CNTNAP2: variants seen among roughly 807,000 people sequenced by gnomAD.
CNTNAP2 encodes the protein contactin-associated protein-like 2.
In CNTNAP2, 98 loss-of-function variants were observed where a neutral mutation model predicts 155.2. The ratio of observed to expected loss-of-function variants is 0.63; its 90% CI spans 0.54 to 0.75. The LOEUF (loss-of-function observed/expected upper bound fraction) is 0.75, where lower values mean the gene tolerates loss of function less well. CNTNAP2 is among the 30% of genes least tolerant of loss of function. The pLI, the probability that CNTNAP2 is intolerant of heterozygous loss-of-function variation, is 0.00. For synonymous variants in CNTNAP2, 651 were observed against 631.2 expected, an observed-to-expected ratio of 1.03 and a Z score of -0.47; for missense variants, 1,727 against 1,688.1, an observed-to-expected ratio of 1.02 and a Z score of -0.40.
chr7:147,724,325 T>G (rs1035213953), intron 13 of CNTNAP2, among the ~76,000 whole-genome samples: 4 of 152,028 alleles, frequency 2.6e-5, no homozygotes, highest in African/African-American at 9.7e-5. Flanking sequence ...GAGGAATTAT[T>G]AGAATCCTGA....
chr7:147,793,889 T>G (rs1032527061), intron 13 of CNTNAP2, among the ~76,000 whole-genome samples: 1 of 152,044 alleles, frequency 6.6e-6, no homozygotes, highest in African/African-American at 2.4e-5. Flanking sequence ...CTTTTTGCTA[T>G]ATTTAGTCCT....
At chr7:146,624,491 A>C (rs545613058) in intron 1 of CNTNAP2, among the ~76,000 whole-genome samples, 2 of 152,090 alleles carry the variant, frequency 1.3e-5, no homozygotes, top group South Asian at 4.1e-4. Context: ...TCAACATTTC[A>C]ACAAAGCAGA....
chr7:146,682,332 C>A (rs1800519530), intron 1 of CNTNAP2, among the ~76,000 whole-genome samples: 1 of 152,066 alleles, frequency 6.6e-6, no homozygotes, highest in Admixed American at 6.6e-5. Context: ...GTTCAGCCAG[C>A]AAAGGTTATA....
At chr7:148,187,119 C>A (rs929985429) in intron 18 of CNTNAP2, among the ~76,000 whole-genome samples, 1 of 149,806 alleles carries the variant, frequency 6.7e-6, no homozygotes, top group African/African-American at 2.5e-5. Context: ...TACACACACA[C>A]ACACACACAC....
chr7:148,230,450 A>G (rs972295077), intron 20 of CNTNAP2, among the ~76,000 whole-genome samples: 5 of 152,188 alleles, frequency 3.3e-5, no homozygotes, highest in Non-Finnish European at 7.3e-5. Flanking sequence ...CCAAGACATC[A>G]AGGATGGGAA....
intron 10 of CNTNAP2, among the ~76,000 whole-genome samples, chr7:147,479,979 A>G (rs1798393286): frequency 6.6e-6 from 1 of 152,270 alleles, no homozygotes; most frequent in South Asian, 2.1e-4. Flanking sequence ...TAAATAGAAG[A>G]CACTCCATAG....
intron 1 of CNTNAP2, among the ~76,000 whole-genome samples, chr7:146,209,218 C>T (rs942641973): frequency 8.5e-5 from 13 of 152,142 alleles, no homozygotes; most frequent in Non-Finnish European, 1.6e-4. Context: ...CTCAAGAAGT[C>T]ACAGTCAGAA....
intron 10 of CNTNAP2, among the ~76,000 whole-genome samples, chr7:147,416,734 A>G (rs537874783): frequency 2.0e-5 from 3 of 152,280 alleles, no homozygotes; most frequent in African/African-American, 7.2e-5. Flanking sequence ...TCTTCTCTGA[A>G]GACCTGTATC....
intron 13 of CNTNAP2, among the ~76,000 whole-genome samples, chr7:147,679,951 A>T (rs1201833291): frequency 6.6e-6 from 1 of 151,806 alleles, no homozygotes; most frequent in Non-Finnish European, 1.5e-5. Context: ...CAAATTGGTC[A>T]ACTCTGAATA....
chr7:146,349,860 C>T lies in CNTNAP2; in HGVS notation c.97+232887C>T, dbSNP rs901754212. Among the ~76,000 whole-genome samples the T allele has an allele frequency of 1.3e-5, 2 of 152,262 alleles. 1 individual carries two copies. On this transcript the variant is annotated intron_variant, in intron 1 of 23. Transcript: ENST00000361727. ...TCCGCTGTTAGTCTGATGGGTTTCC[C>T]TTTGCAGGTAACCCGACCTTTCTCT...
At chr7:146,169,473 T>A (rs1473943738) in intron 1 of CNTNAP2, among the ~76,000 whole-genome samples, 2 of 152,194 alleles carry the variant, frequency 1.3e-5, no homozygotes, top group Non-Finnish European at 2.9e-5. Context: ...ACATTGGTTA[T>A]CTCACGTAGT....
intron 14 of CNTNAP2, among the ~76,000 whole-genome samples, chr7:147,945,920 T>C (rs1482615078): frequency 4.9e-5 from 7 of 143,758 alleles, no homozygotes; most frequent in Non-Finnish European, 6.0e-5. Flanking sequence ...CAGGCTGGAG[T>C]GCGGTGGTGC....
intron 1 of CNTNAP2, among the ~76,000 whole-genome samples, chr7:146,459,545 A>G (rs1429791901): frequency 6.6e-6 from 1 of 152,204 alleles, no homozygotes; most frequent in African/African-American, 2.4e-5. Context: ...CCAAGCCTAT[A>G]AAGTGCATGG....
intron 1 of CNTNAP2, among the ~76,000 whole-genome samples, chr7:146,423,906 TTA>T (rs534356421): frequency 1.0e-3 from 155 of 152,310 alleles, no homozygotes; most frequent in African/African-American, 3.2e-3. Flanking sequence ...ATGTATCACG[TTA>T]CTCAATTTCT....
chr7:147,330,423 C>T (rs757449108), intron 9 of CNTNAP2, among the ~76,000 whole-genome samples: 1 of 152,134 alleles, frequency 6.6e-6, no homozygotes, highest in Non-Finnish European at 1.5e-5. Context: ...CCCTGAGATA[C>T]TCTAGCAAAT....
chr7:148,141,663 C>T (rs536914883), intron 16 of CNTNAP2, among the ~76,000 whole-genome samples: 2 of 152,278 alleles, frequency 1.3e-5, no homozygotes, highest in East Asian at 3.9e-4. Flanking sequence ...AGGCCAGGAC[C>T]ACATATATAT....
At chr7:147,883,308 CT>C (rs886215284) in intron 13 of CNTNAP2, among the ~76,000 whole-genome samples, 2 of 151,940 alleles carry the variant, frequency 1.3e-5, no homozygotes, top group African/African-American at 4.8e-5. Flanking sequence ...CTGGTTTACT[CT>C]TTTTTTTGAG....
At chr7:146,966,476 G>T (rs940455) in intron 3 of CNTNAP2, among the ~76,000 whole-genome samples, 42,892 of 152,096 alleles carry the variant, frequency 0.28, 7,007 homozygotes, top group Non-Finnish European at 0.36. Context: ...TAGTGTGGAA[G>T]GTGATTCACC....
intron 3 of CNTNAP2, among the ~76,000 whole-genome samples, chr7:146,959,906 A>C (rs181917334): frequency 6.6e-6 from 1 of 152,252 alleles, no homozygotes; most frequent in Admixed American, 6.5e-5. Flanking sequence ...AGACCTAGGG[A>C]TTCCAACTTT....
Sources: allele counts gnomAD v4.1 joint callset (sites outside exome capture counted in the v4.1 genomes callset), GRCh38; gene constraint gnomAD v4.1.1; transcripts MANE v1.5; gene names NCBI Gene and HGNC (gene_info 2026-07-23, HGNC 2026-07-21).